MYO9B: variants seen among roughly 807,000 people sequenced by gnomAD.
MYO9B encodes unconventional myosin-IXb.
Under a neutral mutation model 229.5 loss-of-function variants are expected in MYO9B, and 71 were observed. The observed-to-expected ratio is 0.31, with a 90% CI of 0.26 to 0.38. The LOEUF (loss-of-function observed/expected upper bound fraction) is 0.38, where lower values mean the gene tolerates loss of function less well. Among genes scored for constraint, MYO9B ranks in the 10% least tolerant of loss-of-function variants. MYO9B has a pLI of 1.00. For missense variants in MYO9B, 2,255 were observed against 2,920.5 expected (o/e 0.77, Z 5.25); for synonymous variants, 1,185 against 1,235.8 (o/e 0.96, Z 0.86).
At chr19:17,209,446 C>T in intron 35 of MYO9B, 140 bp from the exon 36 acceptor site, 1 of 824,042 alleles carries the variant, frequency 1.2e-6, no homozygotes, top group South Asian at 1.7e-5. Context: ...TGCATGGGAG[C>T]TGGCACAGCC....
In MYO9B at chr19:17,212,183, C is replaced by T; in HGVS notation, c.6347C>T (p.Ala2116Val). 1 of 1,579,966 alleles carries T rather than the reference C, an allele frequency of 6.3e-7. No homozygotes were observed. Among genetic ancestry groups the T allele is most frequent in the East Asian group, 2.4e-5 (1 of 42,550 alleles). ...QIHSVYITPGADLPVQGALEP... is the reference protein window; with the variant it reads ...QIHSVYITPGVDLPVQGALEP... ...CATTCCGTGTACATCACGCCCGGGG[C>T]AGACCTGCCAGTGCAGGGCGCCCTG... is the stretch of plus-strand genomic sequence containing the variant. Residue 2116 changes from alanine to valine, a missense_variant, in exon 40 of 40, where the codon GCA becomes GTA. Physicochemically the swap from Ala to Val is moderately conservative, Grantham distance 64. Coordinates refer to ENST00000682292, the MANE Select transcript of MYO9B (RefSeq NM_004145.4). The surrounding 1 kb of genome is among the most constrained non-coding windows in gnomAD (Gnocchi z 5.4).
chr19:17,175,685 A>G lies in MYO9B; in HGVS notation c.2163A>G (p.Gln721=), dbSNP rs1387889016. The G allele has an allele frequency of 1.3e-6, 2 of 1,575,490 alleles. No homozygotes were observed. Among genetic ancestry groups the G allele is most frequent in the South Asian group, 2.3e-5 (2 of 85,570 alleles). Residue 721 remains glutamine, a synonymous_variant, in exon 14 of 40, where the codon CAA becomes CAG. Coordinates refer to ENST00000682292, the MANE Select transcript of MYO9B (RefSeq NM_004145.4). ...KAAGMSSPGA[Q]SHPEELPRGA... is the part of the protein sequence containing the mutation. ...CAGGTATGAGCAGCCCTGGTGCCCA[A>G]AGTCACCCAGAAGAGCTGCCAAGAG...
At chr19:17,175,902 G>A (rs545533310) in intron 14 of MYO9B, among the ~76,000 whole-genome samples, 161 bp downstream of exon 14, 3 of 149,114 alleles carry the variant, frequency 2.0e-5, no homozygotes, top group Admixed American at 6.8e-5. Context: ...GCGCAATCTC[G>A]GCTCACCCCA....
At chr19:17,136,654 C>T (rs893636239) in intron 2 of MYO9B, among the ~76,000 whole-genome samples, 3 of 152,046 alleles carry the variant, frequency 2.0e-5, no homozygotes, top group African/African-American at 7.2e-5. Flanking sequence ...GTGCACAGGA[C>T]GCCCCCATCA....
At chr19:17,199,314 G>T (rs180977007) in intron 24 of MYO9B, among the ~76,000 whole-genome samples, 1 of 152,268 alleles carries the variant, frequency 6.6e-6, no homozygotes, top group East Asian at 1.9e-4. Flanking sequence ...GTGAGGCCAG[G>T]AGTTTGAGGC....
At chr19:17,131,233 G>A (rs1461226647) in intron 2 of MYO9B, among the ~76,000 whole-genome samples, 7 of 152,192 alleles carry the variant, frequency 4.6e-5, no homozygotes. Flanking sequence ...ACAGTAGTGG[G>A]AATAAAGGCA....
At chr19:17,194,312 C>T (rs1454415981) in intron 21 of MYO9B, among the ~76,000 whole-genome samples, 1 of 152,216 alleles carries the variant, frequency 6.6e-6, no homozygotes, top group Non-Finnish European at 1.5e-5. Context: ...AACAAGGGTC[C>T]TCTCCCCTAA....
chr19:17,100,142 A>G (rs2057731264), intron 1 of MYO9B, among the ~76,000 whole-genome samples: 1 of 148,822 alleles, frequency 6.7e-6, no homozygotes, highest in South Asian at 2.1e-4. Context: ...AAAAGCCCAG[A>G]CTTCACCACT....
chr19:17,114,924 CTTTTT>C (rs139596465), intron 2 of MYO9B, among the ~76,000 whole-genome samples: 4 of 137,640 alleles, frequency 2.9e-5, no homozygotes, highest in African/African-American at 8.1e-5. Context: ...TGCTTTTCCC[CTTTTT>C]TTTTTTTTTT....
intron 6 of MYO9B, among the ~76,000 whole-genome samples, chr19:17,156,644 G>A (rs1370253573): frequency 6.6e-6 from 1 of 152,116 alleles, no homozygotes; most frequent in Non-Finnish European, 1.5e-5. Flanking sequence ...TTGAGCCCAG[G>A]AGTTGGAGGT....
intron 26 of MYO9B, 82 bp downstream of exon 26, chr19:17,200,911 A>T (rs572919173): frequency 1.1e-5 from 16 of 1,470,114 alleles, no homozygotes; most frequent in Non-Finnish European, 1.5e-5. Flanking sequence ...TTTCTGAAAC[A>T]CACAACACAG....
intron 3 of MYO9B, among the ~76,000 whole-genome samples, chr19:17,147,143 G>A (rs767547882): frequency 1.3e-5 from 2 of 152,180 alleles, no homozygotes; most frequent in Non-Finnish European, 2.9e-5. Flanking sequence ...GGGTGTACCC[G>A]GTTCATCAGA....
intron 3 of MYO9B, among the ~76,000 whole-genome samples, chr19:17,146,272 T>C (rs994586873): frequency 6.6e-6 from 1 of 151,418 alleles, no homozygotes; most frequent in Non-Finnish European, 1.5e-5. Flanking sequence ...CATGAGTGGA[T>C]CTACCCATAC....
At chr19:17,125,633 G>A (rs757613669) in intron 2 of MYO9B, among the ~76,000 whole-genome samples, 27 of 152,112 alleles carry the variant, frequency 1.8e-4, no homozygotes, top group Non-Finnish European at 3.1e-4. Context: ...TCCTTGCTGC[G>A]TTTCAGTGTT....
Position 17,153,979 on chromosome 19 carries a change from G to A in MYO9B, c.1011G>A (p.Val337=). 5 of 1,613,756 alleles carry A rather than the reference G, an allele frequency of 3.1e-6. No individual in the cohort carries two copies. The highest frequency in any genetic ancestry group is 4.2e-6 in the Non-Finnish European group (5 of 1,179,744). ...TTTTGACCTGTAGGAACTACCATGTGTTTTATTATTTGTTACTTGGGGTCA... is the reference window on the plus strand; with the variant it reads ...TTTTGACCTGTAGGAACTACCATGTATTTTATTATTTGTTACTTGGGGTCA... The part of the protein sequence containing the change: ...SQEKDERNYH[V]FYYLLLGVSE... The change falls in exon 5 of 40, where the codon GTG becomes GTA. Residue 337 remains valine (V), a synonymous_variant. Transcript: ENST00000682292.
chr19:17,190,995 T>C, intron 19 of MYO9B, 102 bp from the exon 20 acceptor site: 3 of 1,274,248 alleles, frequency 2.4e-6, no homozygotes, highest in Non-Finnish European at 3.2e-6. Flanking sequence ...ACCATTCCTG[T>C]CAAACCCAGC....
intron 34 of MYO9B, 37 bp downstream of exon 34, chr19:17,206,821 G>A: frequency 6.7e-7 from 1 of 1,501,728 alleles, no homozygotes; most frequent in South Asian, 1.2e-5. Context: ...TGGGGTTAGG[G>A]TCGCATTGGG....
Position 17,101,871 on chromosome 19 carries a change from A to G in MYO9B, c.154A>G (p.Ile52Val). ...CACCTCGGACGTCATCAAGGACGCC[A>G]TTGCCAGCCTGCGGCTGGACGGCAC... ...STTSDVIKDA[I>V]ASLRLDGTKC... is the part of the protein sequence containing the mutation. Residue 52 changes from isoleucine to valine, a missense_variant, in exon 2 of 40, where the codon ATT becomes GTT. Ile to Val is a conservative substitution (Grantham distance 29). This residue lies in a region of MYO9B where 386 missense variants were observed against 515.2 expected (regional missense o/e 0.75). Coordinates refer to ENST00000682292, the MANE Select transcript of MYO9B (RefSeq NM_004145.4). The surrounding 1 kb of genome is among the most constrained non-coding windows in gnomAD (Gnocchi z 4.7). 1 of 1,613,214 alleles carries G rather than the reference A, an allele frequency of 6.2e-7. No individual in the cohort carries two copies.
At chr19:17,128,606 G>T (rs969411372) in intron 2 of MYO9B, among the ~76,000 whole-genome samples, 19 of 152,250 alleles carry the variant, frequency 1.2e-4, no homozygotes, top group African/African-American at 4.3e-4. Flanking sequence ...TTGGGATGTG[G>T]CCTCCGCCTA....
Sources: allele counts gnomAD v4.1 joint callset (sites outside exome capture counted in the v4.1 genomes callset), GRCh38; gene constraint gnomAD v4.1.1; regional missense constraint gnomAD v4.1.1; non-coding constraint Gnocchi (gnomAD v3.1); transcripts MANE v1.5; gene names NCBI Gene and HGNC (gene_info 2026-07-23, HGNC 2026-07-21).